Variants in LMX1B observed in about 807,000 individuals in gnomAD.
The protein encoded by LMX1B is LIM homeobox transcription factor 1 beta.
Under a neutral mutation model 51.4 loss-of-function variants are expected in LMX1B, and 12 were observed. The observed-to-expected ratio is 0.23, with a 90% confidence interval of 0.15 to 0.38. LMX1B has a LOEUF of 0.38. LMX1B is among the 10% of genes least tolerant of loss of function. The pLI, the probability that LMX1B is intolerant of heterozygous loss-of-function variation, is 1.00. For synonymous variants in LMX1B, 237 were observed against 235.4 expected, an observed-to-expected ratio of 1.01 and a Z score of -0.06; for missense variants, 445 against 571.1, an observed-to-expected ratio of 0.78 and a Z score of 2.25.
chr9:126,663,354 G>A (rs1836280805), intron 2 of LMX1B, among the ~76,000 whole-genome samples: 1 of 151,212 alleles, frequency 6.6e-6, no homozygotes, highest in Non-Finnish European at 1.5e-5. Context: ...AACCCGGGAG[G>A]CAGAGGTTGC....
chr9:126,664,191 G>A (rs1836297168), intron 2 of LMX1B, among the ~76,000 whole-genome samples: 1 of 152,132 alleles, frequency 6.6e-6, no homozygotes, highest in African/African-American at 2.4e-5. Context: ...TGTCGGGGGG[G>A]TCTCACATCT....
Position 126,691,027 on chromosome 9 carries a change from A to G in LMX1B, c.518A>G (p.Lys173Arg). ...TGCAAGGGTGACTACGAGAAGGAGAAGGACCTGCTCAGCTCCGTGAGCCCC... is the reference window on the plus strand; with the variant it reads ...TGCAAGGGTGACTACGAGAAGGAGAGGGACCTGCTCAGCTCCGTGAGCCCC... ...LLCKGDYEKE[K>R]DLLSSVSPDE... The change falls in exon 3 of 8, where the codon AAG becomes AGG. Residue 173 changes from lysine to arginine, a missense_variant. By Grantham distance (26) the Lys-to-Arg change is conservative. Around this residue, in one of 3 missense-constraint regions of LMX1B, gnomAD observed 273 missense variants for 343.3 expected, o/e 0.80. Coordinates refer to ENST00000373474, the MANE Select transcript of LMX1B (RefSeq NM_001174147.2). 1.2e-6 allele frequency: 2 copies of G among 1,613,852 alleles called. No homozygotes were observed. Among genetic ancestry groups the G allele is most frequent in the Non-Finnish European group, 1.7e-6 (2 of 1,179,890 alleles).
At chr9:126,617,080 C>T (rs748569412) in intron 2 of LMX1B, among the ~76,000 whole-genome samples, 1 of 152,190 alleles carries the variant, frequency 6.6e-6, no homozygotes, top group Non-Finnish European at 1.5e-5. Context: ...ATTCTAGTTC[C>T]GGGAGAGGGA....
At chr9:126,693,865 A>T in intron 6 of LMX1B, 53 bp downstream of exon 6, 1 of 870,800 alleles carries the variant, frequency 1.1e-6, no homozygotes, top group Non-Finnish European at 1.8e-6. Flanking sequence ...GGCCGGGGCC[A>T]GGGGTGGGCC....
At chr9:126,661,365 C>T (rs946455539) in intron 2 of LMX1B, among the ~76,000 whole-genome samples, 8 of 152,154 alleles carry the variant, frequency 5.3e-5, no homozygotes, top group Non-Finnish European at 1.0e-4. Flanking sequence ...CTCTGTCTGT[C>T]GGGGCCAGAG....
intron 2 of LMX1B, among the ~76,000 whole-genome samples, chr9:126,669,745 G>A (rs572064887): frequency 6.6e-6 from 1 of 152,208 alleles, no homozygotes; most frequent in African/African-American, 2.4e-5. Flanking sequence ...GTTAAGGTAT[G>A]TGTCCATGGG....
Position 126,696,414 on chromosome 9 carries a change from G to A in LMX1B, c.1172G>A (p.Arg391Gln), listed in dbSNP as rs2030338611. The A allele has an allele frequency of 9.3e-6, 15 of 1,614,036 alleles. No homozygotes were observed. The highest frequency in any genetic ancestry group is 1.2e-5 in the Non-Finnish European group (14 of 1,179,964). ...GCCCGCGTGGGGAACCCCATCGACC[G>A]GCTCTACTCCATGCAGAGTTCCTAC... Reference protein sequence around the residue: ...LQARVGNPIDRLYSMQSSYFA... With the variant: ...LQARVGNPIDQLYSMQSSYFA... The change falls in exon 8 of 8, where the codon CGG becomes CAG. Residue 391 changes from arginine (R) to glutamine (Q), a missense_variant. Physicochemically the swap from Arg to Gln is conservative, Grantham distance 43. Around this residue, in one of 3 missense-constraint regions of LMX1B, gnomAD observed 162 missense variants for 187.8 expected, o/e 0.86. Transcript: ENST00000373474.
In LMX1B at chr9:126,697,884, G is replaced by GTT. The variant is rs1379807273; in HGVS notation, c.*1436_*1437dup. On this transcript the variant is annotated 3_prime_UTR_variant, in exon 8 of 8. Transcript: ENST00000373474. ...GTTTTGTTTTGTTTTGTTTTGTTTT[G>GTT]TTTTGTTTGAGACGGAGTTTCGCTC... The GTT allele has an allele frequency of 6.5e-6, 1 of 154,402 alleles. No individual in the cohort carries two copies. The highest frequency in any genetic ancestry group is 1.4e-5 in the Non-Finnish European group (1 of 72,342). The allele number at this position is 154,402 out of a possible 1,614,324, so 9.6% of individuals were successfully genotyped here.
intron 2 of LMX1B, among the ~76,000 whole-genome samples, chr9:126,637,824 C>G (rs1835739987): frequency 2.0e-5 from 1 of 49,384 alleles, no homozygotes; most frequent in South Asian, 9.8e-4. Context: ...GCCTGTCCTC[C>G]CCCCCCCCCG....
At chr9:126,657,897 G>A (rs1836150752) in intron 2 of LMX1B, among the ~76,000 whole-genome samples, 1 of 152,152 alleles carries the variant, frequency 6.6e-6, no homozygotes, top group African/African-American at 2.4e-5. Context: ...GTTGGGGACT[G>A]GACCTGGCAC....
intron 2 of LMX1B, among the ~76,000 whole-genome samples, chr9:126,637,833 C>G (rs868672225): frequency 3.5e-4 from 48 of 137,558 alleles, no homozygotes; most frequent in African/African-American, 7.6e-4. Context: ...CCCCCCCCCC[C>G]GCCCCCCGCT....
Position 126,620,216 on chromosome 9 carries a change from A to G in LMX1B, c.326+4647A>G, listed in dbSNP as rs1213275994. On this transcript the variant is annotated intron_variant, in intron 2 of 7. Coordinates refer to ENST00000373474, the MANE Select transcript of LMX1B (RefSeq NM_001174147.2). ...GGATGAGGAGCACCCTGGGGAAGCC[A>G]TTGCCTTTCCCTTCGTAGGACACTG... Among the ~76,000 whole-genome samples the G allele has an allele frequency of 2.6e-5, 4 of 152,228 alleles. No homozygotes were observed. The East Asian group carries it at 7.7e-4, about 29-fold the overall frequency.
At chr9:126,627,392 C>T (rs947719314) in intron 2 of LMX1B, among the ~76,000 whole-genome samples, 13 of 152,004 alleles carry the variant, frequency 8.6e-5, no homozygotes, top group African/African-American at 2.9e-4. Flanking sequence ...CCAGCTGGAG[C>T]CCTTCTGCTT....
chr9:126,633,377 G>T (rs1835663752), intron 2 of LMX1B, among the ~76,000 whole-genome samples: 1 of 152,232 alleles, frequency 6.6e-6, no homozygotes, highest in Non-Finnish European at 1.5e-5. Context: ...GTGCATCCGT[G>T]TGTCATGTCA....
intron 3 of LMX1B, among the ~76,000 whole-genome samples, chr9:126,692,261 C>A (rs115082011): frequency 0.026 from 3,934 of 152,276 alleles, 189 homozygotes; most frequent in African/African-American, 0.09. Flanking sequence ...CCAGCCCCAG[C>A]AGAGGGGGTC....
intron 2 of LMX1B, among the ~76,000 whole-genome samples, chr9:126,659,298 G>C (rs1836181837): frequency 6.6e-6 from 1 of 152,228 alleles, no homozygotes; most frequent in African/African-American, 2.4e-5. Flanking sequence ...ACGTGTCCAG[G>C]GGCACTGCTG....
At chr9:126,680,321 G>A (rs1836650046) in intron 2 of LMX1B, among the ~76,000 whole-genome samples, 1 of 152,206 alleles carries the variant, frequency 6.6e-6, no homozygotes. Context: ...GGAGCTGGGA[G>A]GCCCAGTGTG....
At chr9:126,670,026 C>G (rs528453075) in intron 2 of LMX1B, among the ~76,000 whole-genome samples, 1 of 152,294 alleles carries the variant, frequency 6.6e-6, no homozygotes, top group Admixed American at 6.5e-5. Flanking sequence ...ACCCAACAGA[C>G]AGCGAGGAGA....
At position 126,696,501 on chromosome 9, in the gene LMX1B, C is replaced by T. The variant is rs2030344077; in HGVS notation, c.*50C>T. The T allele has an allele frequency of 6.2e-7, 1 of 1,608,242 alleles. No individual in the cohort carries two copies. Among genetic ancestry groups the T allele is most frequent in the African/African-American group, 1.3e-5 (1 of 74,764 alleles). Reference sequence around the variant, plus strand: ...TGGGCAGGGGCCTGGGGGGGACTGCCAGCCTCTGCGGCCAGCCTGGCCACC... The same window carrying T: ...TGGGCAGGGGCCTGGGGGGGACTGCTAGCCTCTGCGGCCAGCCTGGCCACC... On this transcript the variant is annotated 3_prime_UTR_variant, in exon 8 of 8. Coordinates refer to ENST00000373474, the MANE Select transcript of LMX1B (RefSeq NM_001174147.2).
Sources: allele counts gnomAD v4.1 joint callset (sites outside exome capture counted in the v4.1 genomes callset), GRCh38; gene constraint gnomAD v4.1.1; regional missense constraint gnomAD v4.1.1; transcripts MANE v1.5; gene names NCBI Gene and HGNC (gene_info 2026-07-23, HGNC 2026-07-21).